INTS4: variants seen among roughly 807,000 people sequenced by gnomAD.
INTS4 encodes the protein MSTP093.
Under a neutral mutation model 119.5 loss-of-function variants are expected in INTS4, and 70 were observed. The observed-to-expected ratio is 0.59, with a 90% CI of 0.48 to 0.71. The LOEUF (loss-of-function observed/expected upper bound fraction) is 0.71, where lower values mean the gene tolerates loss of function less well. INTS4 is among the 30% of genes least tolerant of loss of function. The probability of loss-of-function intolerance (pLI) is 0.00; values close to 1 mark genes in which losing one functional copy is unlikely to be tolerated. For synonymous variants in INTS4, 316 were observed against 419.6 expected, an observed-to-expected ratio of 0.75 and a Z score of 3.02; for missense variants, 867 against 1,173.2, an observed-to-expected ratio of 0.74 and a Z score of 3.81.
intron 22 of INTS4, among the ~76,000 whole-genome samples, 174 bp from the exon 23 acceptor site, chr11:77,879,301 T>C (rs1468360949): frequency 6.6e-6 from 1 of 152,254 alleles, no homozygotes; most frequent in African/African-American, 2.4e-5. Context: ...GATGTGATGC[T>C]GTTCCATCAC....
At chr11:77,926,576 G>A (rs1285153180) in intron 11 of INTS4, among the ~76,000 whole-genome samples, 1 of 152,092 alleles carries the variant, frequency 6.6e-6, no homozygotes, top group Non-Finnish European at 1.5e-5. Flanking sequence ...GGAGGCCAAG[G>A]TGGGTGGATC....
At chr11:77,894,256 A>G (rs2136406696) in intron 19 of INTS4, 34 bp downstream of exon 19, 1 of 1,185,834 alleles carries the variant, frequency 8.4e-7, no homozygotes, top group Non-Finnish European at 1.2e-6. Flanking sequence ...TGTAACCAAG[A>G]TTTAATAAGC....
At chr11:77,895,880 C>T (rs1214326271) in intron 18 of INTS4, among the ~76,000 whole-genome samples, 1 of 152,168 alleles carries the variant, frequency 6.6e-6, no homozygotes, top group Non-Finnish European at 1.5e-5. Flanking sequence ...TCCTACTTTT[C>T]CTTTGGTGTG....
chr11:77,941,309 T>C, intron 8 of INTS4, 58 bp from the exon 9 acceptor site: 1 of 1,576,638 alleles, frequency 6.3e-7, no homozygotes, highest in Non-Finnish European at 8.6e-7. Context: ...AACATTATCT[T>C]AAAATTCAGA....
downstream of INTS4, among the ~76,000 whole-genome samples, chr11:77,875,401 A>G (rs1951568357): frequency 6.6e-6 from 1 of 152,208 alleles, no homozygotes; most frequent in South Asian, 2.1e-4. Context: ...TAATTTTAAT[A>G]TTTACTGTAG....
At chr11:77,955,517 TGA>T (rs1210658953) in intron 8 of INTS4, among the ~76,000 whole-genome samples, 1 of 149,668 alleles carries the variant, frequency 6.7e-6, no homozygotes, top group African/African-American at 2.5e-5. Flanking sequence ...TTTTTTGAGA[TGA>T]GAGTCTCCCC....
At chr11:77,949,510 A>G (rs1207546464) in intron 8 of INTS4, among the ~76,000 whole-genome samples, 1 of 147,802 alleles carries the variant, frequency 6.8e-6, no homozygotes, top group African/African-American at 2.5e-5. Context: ...AAGAACTTAA[A>G]CAAATTTACA....
intron 4 of INTS4, among the ~76,000 whole-genome samples, chr11:77,972,428 T>A (rs12799554): frequency 7.1e-6 from 1 of 140,456 alleles, no homozygotes; most frequent in African/African-American, 2.7e-5. Context: ...CTTTTTTTTT[T>A]ATTTTTGAGA....
intron 15 of INTS4, among the ~76,000 whole-genome samples, chr11:77,913,256 T>A (rs182756721): frequency 5.1e-4 from 78 of 152,210 alleles, no homozygotes; most frequent in Non-Finnish European, 9.7e-4. Flanking sequence ...TTGATTTAGT[T>A]ACAAAATGTC....
At chr11:77,928,911 C>T (rs570563774) in intron 10 of INTS4, among the ~76,000 whole-genome samples, 2 of 151,656 alleles carry the variant, frequency 1.3e-5, no homozygotes, top group East Asian at 3.9e-4. Context: ...GTCCCATCTA[C>T]TTGGGAGGCT....
chr11:77,930,859 T>C (rs1953630828), intron 10 of INTS4, among the ~76,000 whole-genome samples: 1 of 152,180 alleles, frequency 6.6e-6, no homozygotes, highest in Admixed American at 6.5e-5. Context: ...ATGTCACAGA[T>C]TCCCTATGGG....
Position 77,994,667 on chromosome 11 carries a change from T to G in INTS4, c.-24A>C, listed in dbSNP as rs1449636221. The G allele has an allele frequency of 1.9e-6, 3 of 1,613,374 alleles. No individual in the cohort carries two copies. Among genetic ancestry groups the G allele is most frequent in the Non-Finnish European group, 2.5e-6 (3 of 1,179,718 alleles). On this transcript the variant is annotated 5_prime_UTR_variant, in exon 1 of 23. Transcript: ENST00000534064. ...ATGCCTACCCGCGGGCCCTCTCAGC[T>G]TCCGTACACTAGGAGGGAGGCGGGG...
chr11:77,980,545 A>T (rs2136642413), intron 3 of INTS4, among the ~76,000 whole-genome samples: 1 of 152,182 alleles, frequency 6.6e-6, no homozygotes, highest in Middle Eastern at 3.4e-3. Flanking sequence ...TGTTTGGCTA[A>T]TTTTTTAATA....
At position 77,878,957 on chromosome 11, in the gene INTS4, G is replaced by A. The variant is rs374670901; in HGVS notation, c.2884C>T (p.Arg962Trp). Residue 962 changes from arginine (R) to tryptophan (W), a missense_variant, in exon 23 of 23, where the codon CGG (arginine) becomes TGG (tryptophan). Physicochemically the swap from Arg to Trp is moderately radical, Grantham distance 101 (BLOSUM62 -3). Coordinates refer to ENST00000534064, the MANE Select transcript of INTS4 (RefSeq NM_033547.4). The part of the protein sequence containing the change: ...VKVYIMPKPA[R>W]R ...GGAAGACTGTTTTTGCCTTAGCGCC[G>A]TGCAGGTTTGGGCATTATATAAACT... 9.3e-6 allele frequency: 15 copies of A among 1,613,592 alleles called. No individual in the cohort carries two copies. Among genetic ancestry groups the A allele is most frequent in the Admixed American group, 5.0e-5 (3 of 60,006 alleles).
chr11:77,955,250 T>C lies in INTS4; in HGVS notation c.918+692A>G, dbSNP rs558315701. On this transcript the variant is annotated intron_variant, in intron 8 of 22. Transcript: ENST00000534064. ...TACTCAGGAGGCTGAGGTGGAAGGA[T>C]TGCTTGAGCCCGGCAGGTCAAGGCT... Among the ~76,000 whole-genome samples the C allele has an allele frequency of 6.6e-5, 10 of 152,190 alleles. No individual in the cohort carries two copies. The East Asian group carries it at 1.7e-3, about 27-fold the overall frequency.
intron 16 of INTS4, among the ~76,000 whole-genome samples, chr11:77,905,869 A>C (rs1035131419): frequency 5.3e-5 from 8 of 152,190 alleles, no homozygotes; most frequent in African/African-American, 1.9e-4. Context: ...TCATCTGCTC[A>C]TAACTGTTAG....
intron 1 of INTS4, among the ~76,000 whole-genome samples, chr11:77,994,042 T>C (rs917995465): frequency 7.9e-5 from 12 of 152,082 alleles, no homozygotes; most frequent in African/African-American, 2.9e-4. Flanking sequence ...AGGTGAGCTG[T>C]TCTACCAATA....
chr11:77,913,591 A>T (rs183949868), intron 15 of INTS4, among the ~76,000 whole-genome samples: 1 of 152,210 alleles, frequency 6.6e-6, no homozygotes, highest in Non-Finnish European at 1.5e-5. Context: ...GATTACAGGC[A>T]TGAGCCACTG....
intron 7 of INTS4, 48 bp from the exon 8 acceptor site, chr11:77,956,110 C>G: frequency 1.3e-6 from 2 of 1,550,688 alleles, no homozygotes; most frequent in Non-Finnish European, 1.7e-6. Context: ...AAACATGAAC[C>G]TAAGTCTGCA....
Sources: gnomAD v4.1 joint callset for allele counts (sites outside exome capture counted in the v4.1 genomes callset) on GRCh38, gnomAD v4.1.1 for gene constraint, MANE v1.5 for transcripts, NCBI Gene and HGNC (gene_info 2026-07-23, HGNC 2026-07-21) for gene names.